GRM1: variants seen among roughly 807,000 people sequenced by gnomAD.
GRM1 encodes glutamate metabotropic receptor 1, also known as metabotropic glutamate receptor 1.
Under a neutral mutation model 90.9 loss-of-function variants are expected in GRM1, and 33 were observed. That is an observed-to-expected ratio of 0.36 (90% CI 0.28 to 0.49). GRM1 has a LOEUF of 0.49. Among genes scored for constraint, GRM1 ranks in the 20% least tolerant of loss-of-function variants. The pLI is 0.99. For synonymous variants in GRM1, 700 were observed against 613.2 expected (o/e 1.14, Z -2.09); for missense variants, 1,190 against 1,534.3 (o/e 0.78, Z 3.75).
At chr6:146,408,647 C>T (rs1777444819) in intron 7 of GRM1, among the ~76,000 whole-genome samples, 1 of 152,094 alleles carries the variant, frequency 6.6e-6, no homozygotes, top group Admixed American at 6.5e-5. Flanking sequence ...ATGCCTTAGC[C>T]TTATGCATTC....
At chr6:146,417,426 A>G (rs552770353) in intron 7 of GRM1, among the ~76,000 whole-genome samples, 40 of 152,272 alleles carry the variant, frequency 2.6e-4, no homozygotes, top group African/African-American at 9.6e-4. Flanking sequence ...ACACTATTGG[A>G]GGATGTTAGA....
At position 146,387,067 on chromosome 6, in the gene GRM1, A is replaced by C. The variant is rs371399158; in HGVS notation, c.1729+51A>C. 7.7e-5 allele frequency: 120 copies of C among 1,562,780 alleles called. No homozygotes were observed. In the African/African-American group the frequency reaches 1.4e-3, roughly 18 times the overall value. ...TTGTGCCTCACTATTTGCCTTTCCA[A>C]TGTGTCCATCCCTCAAATGAGAATG... is the stretch of plus-strand genomic sequence containing the variant. On this transcript the variant is annotated intron_variant, in intron 6 of 7. Coordinates refer to ENST00000282753, the MANE Select transcript of GRM1 (RefSeq NM_001278064.2).
chr6:146,357,705 A>G lies in GRM1; in HGVS notation c.1602+11A>G. The G allele has an allele frequency of 1.9e-6, 3 of 1,610,566 alleles. No homozygotes were observed. The highest frequency in any genetic ancestry group is 2.5e-6 in the Non-Finnish European group (3 of 1,176,894). ...AAGGGCCAGATTAAGGTAAGCCACA[A>G]ATGCATTCTTGCATGGTATCTGTGA... On this transcript the variant is annotated intron_variant, in intron 5 of 7. Coordinates refer to ENST00000282753, the MANE Select transcript of GRM1 (RefSeq NM_001278064.2).
intron 2 of GRM1, among the ~76,000 whole-genome samples, chr6:146,275,338 G>A (rs1320420158): frequency 6.6e-6 from 1 of 152,170 alleles, no homozygotes; most frequent in Non-Finnish European, 1.5e-5. Flanking sequence ...ATCTAAGTGA[G>A]TGAATGATAG....
At chr6:146,343,139 C>T (rs887886014) in intron 3 of GRM1, among the ~76,000 whole-genome samples, 1 of 151,966 alleles carries the variant, frequency 6.6e-6, no homozygotes, top group Non-Finnish European at 1.5e-5. Flanking sequence ...TAGAATGTCC[C>T]TAAGTTTGAC....
At chr6:146,270,863 TTCTTTCTTTCTTTC>T (rs1162113438) in intron 2 of GRM1, among the ~76,000 whole-genome samples, 12 of 63,190 alleles carry the variant, frequency 1.9e-4, no homozygotes, top group Non-Finnish European at 3.0e-4. Flanking sequence ...CTTTCTTTCT[TTCTTTCTTTCTTTC>T]TTTCTTTCTT....
intron 3 of GRM1, among the ~76,000 whole-genome samples, chr6:146,307,418 A>T (rs1783615816): frequency 6.6e-6 from 1 of 152,154 alleles, no homozygotes; most frequent in Non-Finnish European, 1.5e-5. Flanking sequence ...CAAAATTCTT[A>T]TACTTTTATC....
chr6:146,256,967 T>A (rs569206002), intron 2 of GRM1, among the ~76,000 whole-genome samples: 1 of 152,290 alleles, frequency 6.6e-6, no homozygotes, highest in South Asian at 2.1e-4. Flanking sequence ...ATGAGCTAGA[T>A]GTTTTCCTGA....
chr6:146,184,143 A>G (rs1361340662), intron 2 of GRM1, among the ~76,000 whole-genome samples: 1 of 152,190 alleles, frequency 6.6e-6, no homozygotes, highest in Non-Finnish European at 1.5e-5. Context: ...CAGTATGATC[A>G]TAAATCTTGG....
At chr6:146,085,952 GAA>G (rs1776529126) in intron 1 of GRM1, among the ~76,000 whole-genome samples, 1 of 152,100 alleles carries the variant, frequency 6.6e-6, no homozygotes, top group Non-Finnish European at 1.5e-5. Flanking sequence ...TAGAATTTGA[GAA>G]AGTTATTGCT....
At chr6:146,176,647 C>T (rs932013858) in intron 2 of GRM1, among the ~76,000 whole-genome samples, 18 of 151,986 alleles carry the variant, frequency 1.2e-4, no homozygotes, top group African/African-American at 3.9e-4. Flanking sequence ...TGTAAGTTTT[C>T]CTTCAAGATA....
chr6:146,209,409 C>A (rs1489568037), intron 2 of GRM1, among the ~76,000 whole-genome samples: 1 of 152,074 alleles, frequency 6.6e-6, no homozygotes, highest in Non-Finnish European at 1.5e-5. Flanking sequence ...AATTTGCCAA[C>A]TTTTTCCATT....
At chr6:146,321,898 T>G (rs553331999) in intron 3 of GRM1, among the ~76,000 whole-genome samples, 1 of 152,296 alleles carries the variant, frequency 6.6e-6, no homozygotes, top group Admixed American at 6.5e-5. Context: ...ATCACACTGA[T>G]GGGTCTTGAC....
intron 2 of GRM1, among the ~76,000 whole-genome samples, chr6:146,203,277 T>C (rs1779383338): frequency 2.0e-5 from 3 of 152,038 alleles, no homozygotes. Flanking sequence ...GCAGAGGAGT[T>C]TATTTCCTGG....
At chr6:146,059,561 C>A (rs1003784134) in intron 1 of GRM1, among the ~76,000 whole-genome samples, 2 of 152,120 alleles carry the variant, frequency 1.3e-5, no homozygotes. Flanking sequence ...TCAACAGTTG[C>A]ATTAGCCCCT....
chr6:146,167,681 A>G (rs891951969), intron 2 of GRM1, among the ~76,000 whole-genome samples: 3 of 152,120 alleles, frequency 2.0e-5, no homozygotes, highest in African/African-American at 4.8e-5. Flanking sequence ...ACATTTTAGT[A>G]TCTTTTTTGG....
At position 146,029,257 on chromosome 6, in the gene GRM1, G is replaced by A; in HGVS notation, c.-261G>A. The A allele has an allele frequency of 1.9e-6, 1 of 538,300 alleles. No homozygotes were observed. The highest frequency in any genetic ancestry group is 3.4e-6 in the Non-Finnish European group (1 of 298,304). 33.3% of individuals were successfully genotyped at this position (538,300 alleles called of 1,614,324 possible). A position where few individuals can be genotyped will look rare whatever the true frequency, so the allele number is the denominator to read the frequency against. ...GTACTCTTGATCAATTTACCTTGAT[G>A]CACTACCGGTGAAGAACGGGGACTC... On this transcript the variant is annotated 5_prime_UTR_variant, in exon 1 of 8. An upstream start codon of the reference 5' UTR is lost. Transcript: ENST00000282753.
rs553606700 is a variant in GRM1 at position 146,312,310 on chromosome 6, C to T, written c.1186+7464C>T. ...GAGCTGACATAGCGCCACTGCAGTCCGGCCTGGGTGAAAGAGCCTGGGTGA... is the reference window on the plus strand; with the variant it reads ...GAGCTGACATAGCGCCACTGCAGTCTGGCCTGGGTGAAAGAGCCTGGGTGA... On this transcript the variant is annotated intron_variant, in intron 3 of 7. Coordinates refer to ENST00000282753, the MANE Select transcript of GRM1 (RefSeq NM_001278064.2). Among the ~76,000 whole-genome samples, 6 of 122,426 alleles carry T rather than the reference C, an allele frequency of 4.9e-5. No individual in the cohort carries two copies. The East Asian group carries it at 8.4e-4, about 17-fold the overall frequency. The allele number at this position is 122,426 out of a possible 152,430, so 80.3% of individuals were successfully genotyped here.
chr6:146,219,189 G>T (rs1471679016), intron 2 of GRM1, among the ~76,000 whole-genome samples: 1 of 152,158 alleles, frequency 6.6e-6, no homozygotes, highest in Non-Finnish European at 1.5e-5. Context: ...TGAATTTGAA[G>T]TAGTTTTTTA....
Sources: gnomAD v4.1 joint callset for allele counts (sites outside exome capture counted in the v4.1 genomes callset) on GRCh38, gnomAD v4.1.1 for gene constraint, MANE v1.5 for transcripts, NCBI Gene and HGNC (gene_info 2026-07-23, HGNC 2026-07-21) for gene names.